Variants in PDE8B observed in about 807,000 individuals in gnomAD.
PDE8B encodes phosphodiesterase 8B, also known as high affinity cAMP-specific and IBMX-insensitive 3',5'-cyclic phosphodiesterase 8B.
PDE8B carries 26 observed loss-of-function variants against 101.3 expected under a neutral mutation model. The ratio of observed to expected loss-of-function variants is 0.26; its 90% CI spans 0.19 to 0.36. The LOEUF (loss-of-function observed/expected upper bound fraction) is 0.36. PDE8B is among the 10% of genes least tolerant of loss of function. The pLI is 1.00. For synonymous variants in PDE8B, 424 were observed against 429.3 expected, an observed-to-expected ratio of 0.99 and a Z score of 0.15; for missense variants, 810 against 1,163.1, an observed-to-expected ratio of 0.70 and a Z score of 4.42.
chr5:77,406,826 G>A (rs1282478152), intron 12 of PDE8B, among the ~76,000 whole-genome samples: 1 of 152,252 alleles, frequency 6.6e-6, no homozygotes, highest in Non-Finnish European at 1.5e-5. Context: ...GAAAGCTTCT[G>A]TAGATTTGAA....
At chr5:77,421,025 T>TA (rs1243091639) in intron 19 of PDE8B, among the ~76,000 whole-genome samples, 2 of 152,200 alleles carry the variant, frequency 1.3e-5, no homozygotes, top group Non-Finnish European at 2.9e-5. Context: ...ATGGTGTCTT[T>TA]AAAAGTGGAG....
At chr5:77,175,380 A>G in the PDE8B span, among the ~76,000 whole-genome samples, 2 of 152,278 alleles carry the variant, frequency 1.3e-5, no homozygotes, top group Middle Eastern at 3.4e-3. Context: ...TGAACTCACC[A>G]AGCTTTTTCC....
chr5:77,271,962 C>G (rs1200260258), intron 1 of PDE8B, among the ~76,000 whole-genome samples: 1 of 152,180 alleles, frequency 6.6e-6, no homozygotes, highest in Non-Finnish European at 1.5e-5. Flanking sequence ...GTCCTCGGAA[C>G]AGTACCACCT....
intron 19 of PDE8B, among the ~76,000 whole-genome samples, chr5:77,421,400 C>T: frequency 6.6e-6 from 1 of 152,066 alleles, no homozygotes; most frequent in Non-Finnish European, 1.5e-5. Flanking sequence ...CACTGCCCTA[C>T]CTGAAATGCA....
At chr5:77,111,080 T>C in the PDE8B span, among the ~76,000 whole-genome samples, 1 of 152,316 alleles carries the variant, frequency 6.6e-6, no homozygotes, top group South Asian at 2.1e-4. Context: ...TCCCCTAATG[T>C]CAAAAAATCA....
At chr5:77,097,834 T>C in the PDE8B span, among the ~76,000 whole-genome samples, 2 of 147,004 alleles carry the variant, frequency 1.4e-5, no homozygotes, top group East Asian at 4.1e-4. Flanking sequence ...ATCCTAATAC[T>C]ACAGCACACC....
the PDE8B span, chr5:77,098,709 C>G: frequency 6.6e-6 from 1 of 152,226 alleles, no homozygotes; most frequent in East Asian, 1.9e-4. Flanking sequence ...GCCTACAGTT[C>G]TGGAGCCTTG....
chr5:77,258,168 A>C lies in PDE8B; in HGVS notation c.339+46904A>C, dbSNP rs536954307. ...GCTGGGCATGGTGGCAGGTACCTGT[A>C]ATCCCAGCTACTCAGGAGGCTGAGG... On this transcript the variant is annotated intron_variant, in intron 1 of 21. Coordinates refer to ENST00000264917, the MANE Select transcript of PDE8B (RefSeq NM_003719.5). Among the ~76,000 whole-genome samples the C allele has an allele frequency of 6.6e-5, 10 of 152,106 alleles. No homozygotes were observed. The East Asian group carries it at 1.9e-3, about 29-fold the overall frequency.
At chr5:77,134,265 T>G in the PDE8B span, 1 of 152,156 alleles carries the variant, frequency 6.6e-6, no homozygotes, top group Non-Finnish European at 1.5e-5. Context: ...ACTGTATACA[T>G]TAAACTGGGG....
chr5:77,210,292 G>C (rs865996167), upstream of PDE8B, among the ~76,000 whole-genome samples: 3 of 151,642 alleles, frequency 2.0e-5, no homozygotes, highest in Non-Finnish European at 3.0e-5. The surrounding 1 kb of genome is among the most constrained non-coding windows in gnomAD (Gnocchi z 4.9). Context: ...CGCGGTGCCA[G>C]CTGCCGCGCA....
rs760248621 is a variant in PDE8B at position 77,412,127 on chromosome 5, C to T, written c.1604C>T (p.Ala535Val). The T allele has an allele frequency of 1.9e-6, 3 of 1,614,016 alleles. No homozygotes were observed. The highest frequency in any genetic ancestry group is 2.5e-6 in the Non-Finnish European group (3 of 1,179,874). Residue 535 changes from alanine (A) to valine (V), a missense_variant, in exon 16 of 22, where the codon GCA becomes GTA. Ala to Val is a moderately conservative substitution (Grantham distance 64, BLOSUM62 0). Transcript: ENST00000264917. The part of the protein sequence containing the change: ...KNVHQSHSHL[A>V]MPITINDVPP... ...GTGCACCAGAGTCACAGTCACCTTG[C>T]AATGCCAATAACCATCAATGATGTT... is the stretch of plus-strand genomic sequence containing the variant.
the PDE8B span, among the ~76,000 whole-genome samples, chr5:77,165,987 A>AAG: frequency 7.5e-6 from 1 of 132,692 alleles, no homozygotes; most frequent in African/African-American, 2.6e-5. Flanking sequence ...AAAAAAAAAA[A>AAG]AAAAGAAAAA....
the PDE8B span, among the ~76,000 whole-genome samples, chr5:77,186,388 G>A: frequency 0.012 from 1,856 of 152,240 alleles, 48 homozygotes; most frequent in African/African-American, 0.042. Context: ...ATGAGAATTG[G>A]CAGTTAAATT....
chr5:77,267,760 G>A (rs1762045087), intron 1 of PDE8B, among the ~76,000 whole-genome samples: 1 of 152,204 alleles, frequency 6.6e-6, no homozygotes, highest in Non-Finnish European at 1.5e-5. Flanking sequence ...ACAATGGGTA[G>A]TAATTAAGTC....
chr5:77,235,631 C>CCATT (rs1363601175), intron 1 of PDE8B, among the ~76,000 whole-genome samples: 33 of 152,210 alleles, frequency 2.2e-4, no homozygotes, highest in Admixed American at 1.1e-3. Context: ...ATTCATTCAT[C>CCATT]CATTCATTCA....
chr5:77,417,578 C>T (rs1434959288), intron 17 of PDE8B, among the ~76,000 whole-genome samples: 1 of 152,176 alleles, frequency 6.6e-6, no homozygotes, highest in African/African-American at 2.4e-5. Context: ...CTTGTATCCC[C>T]GGATGCTCTG....
chr5:77,411,731 C>T lies in PDE8B; in HGVS notation c.1576+10C>T. 6.3e-7 allele frequency: 1 copy of T among 1,593,746 alleles called. No homozygotes were observed. Among genetic ancestry groups the T allele is most frequent in the Non-Finnish European group, 8.6e-7 (1 of 1,161,536 alleles). On this transcript the variant is annotated intron_variant, in intron 15 of 21. Transcript: ENST00000264917. ...TATGTGTTTACTAAGAGTAAGTTTT[C>T]ATCTATTTACTTGTTAGTGTAACCT...
chr5:77,127,646 G>A, the PDE8B span, among the ~76,000 whole-genome samples: 6 of 152,058 alleles, frequency 3.9e-5, no homozygotes, highest in African/African-American at 1.4e-4. Flanking sequence ...CATGGAGTCA[G>A]TTAATTGGAG....
the PDE8B span, among the ~76,000 whole-genome samples, chr5:77,199,166 C>T: frequency 1.8e-4 from 28 of 152,284 alleles, no homozygotes; most frequent in East Asian, 5.2e-3. Flanking sequence ...TGTGGCATCT[C>T]TAACATCATT....
Sources: gnomAD v4.1 joint callset for allele counts (sites outside exome capture counted in the v4.1 genomes callset) on GRCh38, gnomAD v4.1.1 for gene constraint, Gnocchi (gnomAD v3.1) non-coding constraint, MANE v1.5 for transcripts, NCBI Gene and HGNC (gene_info 2026-07-23, HGNC 2026-07-21) for gene names.